The following RALYL variants were observed in gnomAD, a reference collection of about 807,000 sequenced individuals.
RALYL encodes the protein RALY RNA binding protein like.
Under a neutral mutation model 35.1 loss-of-function variants are expected in RALYL, and 29 were observed. The observed-to-expected ratio is 0.83, with a 90% confidence interval of 0.61 to 1.13. The LOEUF is 1.13. Ranked by LOEUF, RALYL falls within the 50% of genes most tolerant of loss-of-function variation. The pLI is 0.00. For missense variants in RALYL, 359 were observed against 360.4 expected, an observed-to-expected ratio of 1.00 and a Z score of 0.03; for synonymous variants, 120 against 127.6, an observed-to-expected ratio of 0.94 and a Z score of 0.40.
chr8:84,606,159 C>T (rs1248888995), intron 2 of RALYL, among the ~76,000 whole-genome samples: 1 of 152,092 alleles, frequency 6.6e-6, no homozygotes, highest in African/African-American at 2.4e-5. Context: ...CTATGGTGCT[C>T]TTGCACTCTC....
chr8:84,588,124 A>G (rs1812398478), intron 2 of RALYL, among the ~76,000 whole-genome samples: 2 of 152,124 alleles, frequency 1.3e-5, no homozygotes, highest in South Asian at 2.1e-4. Flanking sequence ...CAGCTGGTGA[A>G]GTGCTGGGCT....
rs149574098 is a variant in RALYL at position 84,415,142 on chromosome 8, C to T, written c.-23-114157C>T. On this transcript the variant is annotated intron_variant, in intron 1 of 8. Transcript: ENST00000521268. ...ATTAAGGCACTTAATACTCCCTTCA[C>T]TCTAATATTCTGCCTCTGTTTTTTT... Among the ~76,000 whole-genome samples the T allele has an allele frequency of 3.9e-3, 570 of 146,190 alleles. 6 individuals carry two copies. The highest frequency in any genetic ancestry group is 0.014 in the African/African-American group (535 of 39,302).
chr8:84,803,776 G>A (rs1554596337), intron 3 of RALYL, among the ~76,000 whole-genome samples: 1 of 152,120 alleles, frequency 6.6e-6, no homozygotes, highest in African/African-American at 2.4e-5. Flanking sequence ...GAATGAAATA[G>A]AGACAAAAAA....
At chr8:84,605,226 C>G (rs922545343) in intron 2 of RALYL, among the ~76,000 whole-genome samples, 1 of 152,190 alleles carries the variant, frequency 6.6e-6, no homozygotes, top group Non-Finnish European at 1.5e-5. Flanking sequence ...TATATCTGAA[C>G]TAAATCAATA....
chr8:84,746,314 T>C (rs1339656752), intron 2 of RALYL, among the ~76,000 whole-genome samples: 1 of 152,056 alleles, frequency 6.6e-6, no homozygotes, highest in African/African-American at 2.4e-5. Flanking sequence ...TTTTATATGA[T>C]ACTTAAAAAT....
At chr8:84,661,419 C>G (rs969727479) in intron 2 of RALYL, among the ~76,000 whole-genome samples, 3 of 152,004 alleles carry the variant, frequency 2.0e-5, no homozygotes, top group Non-Finnish European at 4.4e-5. Context: ...GTTGATTATA[C>G]AGTATGTATA....
At chr8:84,877,380 A>G (rs1841376493) in intron 7 of RALYL, among the ~76,000 whole-genome samples, 1 of 152,032 alleles carries the variant, frequency 6.6e-6, no homozygotes, top group African/African-American at 2.4e-5. Context: ...CCAGCTACTC[A>G]GGAGTCTGAG....
At chr8:84,503,320 AT>A (rs551446229) in intron 1 of RALYL, among the ~76,000 whole-genome samples, 3,219 of 134,974 alleles carry the variant, frequency 0.024, 35 homozygotes, top group African/African-American at 0.049. Context: ...TGCCTGGCTA[AT>A]TTTTTTTTTT....
At chr8:84,808,374 T>C (rs976449449) in intron 4 of RALYL, among the ~76,000 whole-genome samples, 1 of 152,200 alleles carries the variant, frequency 6.6e-6, no homozygotes, top group Non-Finnish European at 1.5e-5. Flanking sequence ...TGCCTATTTT[T>C]ATACCAGTAC....
chr8:84,767,748 A>G (rs957758286), intron 2 of RALYL, among the ~76,000 whole-genome samples: 1 of 152,174 alleles, frequency 6.6e-6, no homozygotes, highest in African/African-American at 2.4e-5. Context: ...AACATAAATA[A>G]GTCTTATCAA....
At chr8:84,489,071 C>T (rs1564020600) in intron 1 of RALYL, among the ~76,000 whole-genome samples, 1 of 151,930 alleles carries the variant, frequency 6.6e-6, no homozygotes, top group African/African-American at 2.4e-5. Flanking sequence ...TTGTGCCTCG[C>T]TATTATTTGT....
intron 4 of RALYL, among the ~76,000 whole-genome samples, chr8:84,809,401 T>C (rs1001895921): frequency 3.9e-5 from 6 of 152,290 alleles, no homozygotes; most frequent in Non-Finnish European, 7.4e-5. Context: ...TTGTTAAGGA[T>C]TTTAGCATCT....
intron 1 of RALYL, among the ~76,000 whole-genome samples, chr8:84,193,313 G>A (rs920644638): frequency 2.0e-5 from 3 of 152,054 alleles, no homozygotes; most frequent in African/African-American, 7.2e-5. Flanking sequence ...AAGAGGTGGA[G>A]GTATAATAGA....
chr8:84,880,962 CT>C (rs1735610741), intron 7 of RALYL, among the ~76,000 whole-genome samples: 1 of 151,772 alleles, frequency 6.6e-6, no homozygotes, highest in Non-Finnish European at 1.5e-5. Flanking sequence ...CTTATAAAAC[CT>C]ATTAAATGGT....
chr8:84,387,119 AG>A (rs2131698089), intron 1 of RALYL, among the ~76,000 whole-genome samples: 1 of 152,038 alleles, frequency 6.6e-6, no homozygotes, highest in South Asian at 2.1e-4. Flanking sequence ...TGGAAGGATT[AG>A]AGGTAATGTA....
At chr8:84,572,917 T>G (rs576620639) in intron 2 of RALYL, among the ~76,000 whole-genome samples, 69 of 151,670 alleles carry the variant, frequency 4.5e-4, no homozygotes, top group Non-Finnish European at 1.9e-4. Context: ...TAATTTTATC[T>G]CTACTATTGG....
chr8:84,783,145 A>T (rs1279456395), intron 3 of RALYL, among the ~76,000 whole-genome samples: 1 of 104,508 alleles, frequency 9.6e-6, no homozygotes, highest in Admixed American at 8.5e-5. Flanking sequence ...AGCATGAAAG[A>T]AATTGAAATG....
At chr8:84,314,253 G>T (rs73306927) in intron 1 of RALYL, among the ~76,000 whole-genome samples, 1 of 151,976 alleles carries the variant, frequency 6.6e-6, no homozygotes, top group African/African-American at 2.4e-5. Context: ...CCCTTGACAC[G>T]TAGGGATTAT....
chr8:84,785,697 A>C (rs1274422069), intron 3 of RALYL, among the ~76,000 whole-genome samples: 1 of 152,290 alleles, frequency 6.6e-6, no homozygotes, highest in South Asian at 2.1e-4. Flanking sequence ...AATAGTGAGT[A>C]ATTTATTTAT....
Sources: allele counts gnomAD v4.1 joint callset (sites outside exome capture counted in the v4.1 genomes callset), GRCh38; gene constraint gnomAD v4.1.1; transcripts MANE v1.5; gene names NCBI Gene and HGNC (gene_info 2026-07-23, HGNC 2026-07-21).